Variants in DIAPH2 observed in about 807,000 individuals in gnomAD.
The protein encoded by DIAPH2 is diaphanous related formin 2.
A neutral mutation model predicts 92.7 loss-of-function variants in DIAPH2; 35 were observed. The ratio of observed to expected loss-of-function variants is 0.38; its 90% CI spans 0.29 to 0.50. DIAPH2 has a LOEUF of 0.50. Ranked by LOEUF, DIAPH2 falls within the 20% of genes least tolerant of loss-of-function variation. The pLI is 0.94. For missense variants in DIAPH2, 701 were observed against 819.5 expected, an observed-to-expected ratio of 0.86 and a Z score of 1.77; for synonymous variants, 301 against 280.4, an observed-to-expected ratio of 1.07 and a Z score of -0.73.
intron 24 of DIAPH2, among the ~76,000 whole-genome samples, chrX:97,360,669 G>A (rs2069316630): frequency 9.0e-6 from 1 of 111,148 alleles, no homozygotes; most frequent in Non-Finnish European, 1.9e-5. Flanking sequence ...GGATGAAATC[G>A]CAAATATAAC....
At chrX:97,083,031 A>G (rs2066758289) in intron 19 of DIAPH2, among the ~76,000 whole-genome samples, 1 of 112,457 alleles carries the variant, frequency 8.9e-6, no homozygotes, top group African/African-American at 3.2e-5. Flanking sequence ...TCTCTTATGT[A>G]CTAAAGAGGT....
At chrX:96,843,647 GAAA>G (rs918532399) in intron 4 of DIAPH2, among the ~76,000 whole-genome samples, 1 of 111,109 alleles carries the variant, frequency 9.0e-6, no homozygotes, top group Non-Finnish European at 1.9e-5. Context: ...AAAAGAAAAA[GAAA>G]AAAACTTTAA....
chrX:97,535,810 C>A (rs1366029181), intron 26 of DIAPH2, among the ~76,000 whole-genome samples: 1 of 112,190 alleles, frequency 8.9e-6, no homozygotes, highest in Non-Finnish European at 1.9e-5. Flanking sequence ...TATCATCTAG[C>A]TTTATATTTT....
chrX:96,931,007 A>C (rs1196497638), intron 10 of DIAPH2, among the ~76,000 whole-genome samples, 164 bp downstream of exon 10: 2 of 112,254 alleles, frequency 1.8e-5, no homozygotes, highest in African/African-American at 6.5e-5. Flanking sequence ...CATTCTCTAC[A>C]TACAAATGAT....
chrX:97,563,188 G>T (rs2071305443), intron 26 of DIAPH2, among the ~76,000 whole-genome samples: 1 of 111,920 alleles, frequency 8.9e-6, no homozygotes, highest in African/African-American at 3.2e-5. Flanking sequence ...TTTTAAAAAT[G>T]AAGTAATGAT....
At chrX:97,303,870 G>A (rs759420666) in intron 23 of DIAPH2, among the ~76,000 whole-genome samples, 1 of 111,555 alleles carries the variant, frequency 9.0e-6, no homozygotes, top group South Asian at 3.7e-4. Context: ...ATGGCACACA[G>A]TTTGGGAAAA....
At chrX:96,736,460 G>A (rs1031220481) in intron 2 of DIAPH2, among the ~76,000 whole-genome samples, 2 of 111,119 alleles carry the variant, frequency 1.8e-5, no homozygotes, top group African/African-American at 6.5e-5. Context: ...GCGCGATCTC[G>A]GCTCACTGCA....
rs188236125 is a variant in DIAPH2 at position 97,420,039 on chromosome X, G to T, written c.3146-9611G>T. On this transcript the variant is annotated intron_variant, in intron 25 of 26. Transcript: ENST00000324765. ...CCAGAGGCATAAACTGGTTTTTCTG[G>T]TAAGCGTTAACATTTAGGTTTATTG... Among the ~76,000 whole-genome samples the T allele has an allele frequency of 3.0e-3, 332 of 110,868 alleles. 1 individual carries two copies. Among genetic ancestry groups the T allele is most frequent in the African/African-American group, 8.8e-3 (268 of 30,538 alleles).
intron 4 of DIAPH2, among the ~76,000 whole-genome samples, chrX:96,868,105 G>A (rs1038576074): frequency 3.6e-5 from 4 of 112,090 alleles, no homozygotes; most frequent in African/African-American, 1.3e-4. Flanking sequence ...ACCCAACTGT[G>A]CCACTAGTGT....
At chrX:97,158,970 A>G (rs2067345071) in intron 22 of DIAPH2, among the ~76,000 whole-genome samples, 1 of 112,656 alleles carries the variant, frequency 8.9e-6, no homozygotes, top group Admixed American at 9.4e-5. Context: ...AGAAGTTTGA[A>G]AAACCATCAG....
In DIAPH2 at chrX:97,335,107, T is replaced by C. The variant is rs368032831; in HGVS notation, c.2845-13009T>C. On this transcript the variant is annotated intron_variant, in intron 23 of 26. Transcript: ENST00000324765. ...ATCTAGATGGCGATGAAAAAGTTAGTTGGTCTCCCTGAGGCTAATTTCATC... is the reference window on the plus strand; with the variant it reads ...ATCTAGATGGCGATGAAAAAGTTAGCTGGTCTCCCTGAGGCTAATTTCATC... Among the ~76,000 whole-genome samples the C allele has an allele frequency of 1.1e-4, 12 of 108,995 alleles. No individual in the cohort carries two copies. In the East Asian group the frequency reaches 1.7e-3, roughly 16 times the overall value. 94.6% of individuals were successfully genotyped at this position (108,995 alleles called of 115,157 possible). A position where few individuals can be genotyped will look rare whatever the true frequency, so the allele number is the denominator to read the frequency against.
chrX:96,963,320 T>G (rs2072776727), intron 16 of DIAPH2, among the ~76,000 whole-genome samples: 1 of 110,391 alleles, frequency 9.1e-6, no homozygotes, highest in Non-Finnish European at 1.9e-5. Context: ...TGGGGAGATT[T>G]CAGTGGGCTC....
At chrX:97,569,862 G>A (rs1325203366) in intron 26 of DIAPH2, among the ~76,000 whole-genome samples, 1 of 105,563 alleles carries the variant, frequency 9.5e-6, no homozygotes, top group Admixed American at 1.0e-4. Flanking sequence ...ATTACGTTAT[G>A]TCCCATTCTC....
Position 97,033,340 on chromosome X carries a change from T to TC in DIAPH2, c.2051-39601_2051-39600insC, listed in dbSNP as rs199561377. Reference sequence around the variant, plus strand: ...GTACTTTTTTTCCTAAGTAAGATAATAGCGTCAGAGATCAGAAAGATGCCA... The same window carrying TC: ...GTACTTTTTTTCCTAAGTAAGATAATCAGCGTCAGAGATCAGAAAGATGCCA... On this transcript the variant is annotated intron_variant, in intron 17 of 26. Coordinates refer to ENST00000324765, the MANE Select transcript of DIAPH2 (RefSeq NM_006729.5). 9.0e-3 allele frequency among the ~76,000 whole-genome samples: 1,003 copies of TC among 111,615 alleles called. 12 individuals carry two copies. Among genetic ancestry groups the TC allele is most frequent in the African/African-American group, 0.032 (979 of 30,815 alleles).
intron 10 of DIAPH2, among the ~76,000 whole-genome samples, chrX:96,932,103 C>T (rs1006653874): frequency 1.8e-5 from 2 of 110,122 alleles, no homozygotes; most frequent in African/African-American, 3.3e-5. Context: ...TAAAGATAAT[C>T]GTATGGTCTT....
At chrX:96,714,322 T>C (rs2063937146) in intron 1 of DIAPH2, among the ~76,000 whole-genome samples, 1 of 103,488 alleles carries the variant, frequency 9.7e-6, no homozygotes, top group Non-Finnish European at 2.0e-5. Context: ...TGGAGTGCAG[T>C]GGTGTGACCT....
chrX:97,129,774 A>G (rs765648855), intron 21 of DIAPH2, among the ~76,000 whole-genome samples: 53 of 111,234 alleles, frequency 4.8e-4, no homozygotes, highest in Non-Finnish European at 8.3e-4. Context: ...GACATATACA[A>G]GAATGATCAC....
At chrX:96,796,173 G>A (rs998692370) in intron 4 of DIAPH2, among the ~76,000 whole-genome samples, 4 of 110,101 alleles carry the variant, frequency 3.6e-5, no homozygotes, top group Admixed American at 9.7e-5. Context: ...TTTATTTTTA[G>A]TTTTGTTTTG....
chrX:96,815,331 G>A (rs1438876500), intron 4 of DIAPH2, among the ~76,000 whole-genome samples: 2 of 112,006 alleles, frequency 1.8e-5, no homozygotes, highest in Non-Finnish European at 3.8e-5. Flanking sequence ...GACCCACCGA[G>A]CCAGGCGCGG....
Sources: allele counts gnomAD v4.1 joint callset (sites outside exome capture counted in the v4.1 genomes callset), GRCh38; gene constraint gnomAD v4.1.1; transcripts MANE v1.5; gene names NCBI Gene and HGNC (gene_info 2026-07-23, HGNC 2026-07-21).